VWDE: variants seen among roughly 807,000 people sequenced by gnomAD.
VWDE encodes the protein von Willebrand factor D and EGF domains.
VWDE carries 207 observed loss-of-function variants against 178.4 expected under a neutral mutation model. The ratio of observed to expected loss-of-function variants is 1.16; its 90% CI spans 1.04 to 1.30. The LOEUF (loss-of-function observed/expected upper bound fraction) is 1.30, where lower values mean the gene tolerates loss of function less well. VWDE is among the 50% of genes most tolerant of loss of function. The probability of loss-of-function intolerance (pLI) is 0.00; values close to 1 mark genes in which losing one functional copy is unlikely to be tolerated. For synonymous variants in VWDE, 738 were observed against 651.4 expected (o/e 1.13, Z -2.02); for missense variants, 2,287 against 1,901.3 (o/e 1.20, Z -3.77).
At chr7:12,368,609 G>A (rs1437952624) in intron 12 of VWDE, among the ~76,000 whole-genome samples, 1 of 152,220 alleles carries the variant, frequency 6.6e-6, no homozygotes, top group Admixed American at 6.5e-5. Flanking sequence ...AGACTACCTA[G>A]GGTCTTCTAC....
chr7:12,390,788 T>C (rs1276906686), intron 2 of VWDE, among the ~76,000 whole-genome samples: 1 of 151,996 alleles, frequency 6.6e-6, no homozygotes, highest in East Asian at 1.9e-4. Flanking sequence ...GTTTATGTAC[T>C]GCTATTGGAA....
At chr7:12,381,314 A>T (rs775976854) in intron 4 of VWDE, among the ~76,000 whole-genome samples, 3 of 152,068 alleles carry the variant, frequency 2.0e-5, no homozygotes, top group Non-Finnish European at 2.9e-5. Flanking sequence ...ATCATTTTGA[A>T]CTCTGGGCAT....
Position 12,353,412 on chromosome 7 carries a change from A to G in VWDE, c.3746-1699T>C, listed in dbSNP as rs1470423470. On this transcript the variant is annotated intron_variant, in intron 18 of 28. Coordinates refer to ENST00000275358, the MANE Select transcript of VWDE (RefSeq NM_001135924.3). ...ACACTGGGAGTTAGGGCTTCAACATATAAATTTTGGGGGGACGCAGTTCTA... is the reference window on the plus strand; with the variant it reads ...ACACTGGGAGTTAGGGCTTCAACATGTAAATTTTGGGGGGACGCAGTTCTA... Among the ~76,000 whole-genome samples, 4 of 34,026 alleles carry G rather than the reference A, an allele frequency of 1.2e-4. No homozygotes were observed. The East Asian group carries it at 2.3e-3, about 19-fold the overall frequency. The allele number at this position is 34,026 out of a possible 152,430, so 22.3% of individuals were successfully genotyped here.
In VWDE at chr7:12,374,998, T is replaced by C. The variant is rs1301871819; in HGVS notation, c.1242+12A>G. On this transcript the variant is annotated intron_variant, in intron 8 of 28. Transcript: ENST00000275358. ...AGCTTCACTTGCAGTATTAGTGTTGTAATTTGTCAACCTGGATGCTGTCTG... is the reference window on the plus strand; with the variant it reads ...AGCTTCACTTGCAGTATTAGTGTTGCAATTTGTCAACCTGGATGCTGTCTG... 3 of 1,548,906 alleles carry C rather than the reference T, an allele frequency of 1.9e-6. No individual in the cohort carries two copies. Among genetic ancestry groups the C allele is most frequent in the East Asian group, 2.4e-5 (1 of 40,892 alleles).
intron 1 of VWDE, among the ~76,000 whole-genome samples, chr7:12,401,968 G>A (rs847993): frequency 0.06 from 9,092 of 152,176 alleles, 337 homozygotes; most frequent in Middle Eastern, 0.11. Context: ...TCTTAAAAAG[G>A]AATGAAATAC....
At chr7:12,363,971 A>T (rs1782718582) in intron 13 of VWDE, among the ~76,000 whole-genome samples, 1 of 152,040 alleles carries the variant, frequency 6.6e-6, no homozygotes, top group South Asian at 2.1e-4. Flanking sequence ...TTGTTTCATG[A>T]ATTTGTTTTT....
intron 2 of VWDE, among the ~76,000 whole-genome samples, chr7:12,392,972 A>G (rs1345646708): frequency 3.9e-5 from 6 of 152,164 alleles, no homozygotes; most frequent in Admixed American, 6.5e-5. Context: ...AGAGAGATTC[A>G]GTGAGATAAG....
chr7:12,333,160 C>T (rs1780822568), intron 28 of VWDE, among the ~76,000 whole-genome samples: 1 of 152,012 alleles, frequency 6.6e-6, no homozygotes, highest in Admixed American at 6.6e-5. Context: ...TAGCACTGGC[C>T]CTACAAATAA....
At chr7:12,375,367 A>C in intron 7 of VWDE, 140 bp from the exon 8 acceptor site, 1 of 772,230 alleles carries the variant, frequency 1.3e-6, no homozygotes, top group South Asian at 2.0e-5. Flanking sequence ...ATGGTTGCAA[A>C]TTTTGTCTAA....
chr7:12,377,006 T>C lies in VWDE; in HGVS notation c.1024+770A>G, dbSNP rs17165947. On this transcript the variant is annotated intron_variant, in intron 7 of 28. Transcript: ENST00000275358. The stretch of plus-strand genomic sequence containing the variant: ...TGTTTGGTATATTTACTAAAGACAA[T>C]GTAATGTTCTACGGTGAAAATGTAT... 7.8e-4 allele frequency among the ~76,000 whole-genome samples: 118 copies of C among 152,230 alleles called. 1 individual carries two copies. The highest frequency in any genetic ancestry group is 6.8e-3 in the South Asian group (33 of 4,826).
rs780127178 is a variant in VWDE at position 12,379,573 on chromosome 7, A to G, written c.790-7T>C. On this transcript the variant is annotated splice_region_variant and splice_polypyrimidine_tract_variant and intron_variant, in intron 5 of 28. Coordinates refer to ENST00000275358, the MANE Select transcript of VWDE (RefSeq NM_001135924.3). The stretch of plus-strand genomic sequence containing the variant: ...CAGAAGCGCTGCAGAATATCTATGG[A>G]TATAATTAAAAAATAATCACTTAGA... 6 of 1,523,150 alleles carry G rather than the reference A, an allele frequency of 3.9e-6. No homozygotes were observed. In the African/African-American group the frequency reaches 7.0e-5, roughly 18 times the overall value. 94.4% of individuals were successfully genotyped at this position (1,523,150 alleles called of 1,614,324 possible).
Position 12,383,519 on chromosome 7 carries a change from C to G in VWDE, c.541+17G>C. On this transcript the variant is annotated intron_variant, in intron 4 of 28. Transcript: ENST00000275358. ...GTTTATAAAAACACTATTAAAAAAG[C>G]AAAATATGATACTTACGAACACAAT... is the stretch of plus-strand genomic sequence containing the variant. 1.3e-6 allele frequency: 2 copies of G among 1,547,896 alleles called. No individual in the cohort carries two copies. The highest frequency in any genetic ancestry group is 1.7e-6 in the Non-Finnish European group (2 of 1,144,290).
chr7:12,359,035 T>C (rs1455384764), intron 16 of VWDE, among the ~76,000 whole-genome samples: 2 of 152,244 alleles, frequency 1.3e-5, no homozygotes, highest in Non-Finnish European at 2.9e-5. Flanking sequence ...TCTCTAATAA[T>C]GTCTCATCTC....
At chr7:12,342,676 TATG>T (rs1433005370) in intron 22 of VWDE, among the ~76,000 whole-genome samples, 70 of 151,330 alleles carry the variant, frequency 4.6e-4, no homozygotes, top group African/African-American at 1.6e-3. Flanking sequence ...TTTCTATTAT[TATG>T]ATTATTATTA....
intron 16 of VWDE, 34 bp downstream of exon 16, chr7:12,359,544 T>G (rs906395220): frequency 5.0e-6 from 7 of 1,388,384 alleles, no homozygotes; most frequent in Non-Finnish European, 7.0e-6. Context: ...ATGTCTTGTA[T>G]AGGAAATATT....
intron 28 of VWDE, among the ~76,000 whole-genome samples, 168 bp from the exon 29 acceptor site, chr7:12,331,365 C>G (rs1347349190): frequency 6.6e-6 from 1 of 152,084 alleles, no homozygotes; most frequent in Non-Finnish European, 1.5e-5. Flanking sequence ...AAATCAAGAT[C>G]ATACTTAAGG....
At chr7:12,374,924 A>G in intron 8 of VWDE, 86 bp downstream of exon 8, 1 of 1,338,800 alleles carries the variant, frequency 7.5e-7, no homozygotes, top group Middle Eastern at 2.6e-4. Flanking sequence ...AAAATTTTTT[A>G]CATAAAAAGT....
rs142939903 is a variant in VWDE at position 12,389,255 on chromosome 7, C to A, written c.347G>T (p.Trp116Leu). The change falls in exon 3 of 29, where the codon TGG (tryptophan) becomes TTG (leucine). Residue 116 changes from tryptophan (W) to leucine (L), a missense_variant. Trp to Leu is a moderately conservative substitution (Grantham distance 61, BLOSUM62 -2). Coordinates refer to ENST00000275358, the MANE Select transcript of VWDE (RefSeq NM_001135924.3). ...EIKQLTACATWQFLFSTTKDC... is the reference protein window; with the variant it reads ...EIKQLTACATLQFLFSTTKDC... ...TTTTGTAGTGCTGAACAAAAACTGC[C>A]ATGTTGCACAAGCTGTCAATTGCTT... 1.3e-6 allele frequency: 2 copies of A among 1,551,654 alleles called. No homozygotes were observed. Among genetic ancestry groups the A allele is most frequent in the East Asian group, 4.9e-5 (2 of 40,898 alleles).
At chr7:12,398,828 G>C (rs1415944338) in intron 1 of VWDE, among the ~76,000 whole-genome samples, 1 of 152,000 alleles carries the variant, frequency 6.6e-6, no homozygotes, top group Non-Finnish European at 1.5e-5. Flanking sequence ...CGCTTATAAG[G>C]GCAAGCTAAA....
Sources: allele counts gnomAD v4.1 joint callset (sites outside exome capture counted in the v4.1 genomes callset), GRCh38; gene constraint gnomAD v4.1.1; transcripts MANE v1.5; gene names NCBI Gene and HGNC (gene_info 2026-07-23, HGNC 2026-07-21).